RTKN2: variants seen among roughly 807,000 people sequenced by gnomAD.
RTKN2 encodes the protein rhotekin-2.
A neutral mutation model predicts 71.5 loss-of-function variants in RTKN2; 69 were observed. That is an observed-to-expected ratio of 0.96 (90% CI 0.79 to 1.18). The LOEUF (loss-of-function observed/expected upper bound fraction) is 1.18. RTKN2 is among the 50% of genes most tolerant of loss of function. The pLI is 0.00. For missense variants in RTKN2, 724 were observed against 719.7 expected, an observed-to-expected ratio of 1.01 and a Z score of -0.07; for synonymous variants, 236 against 236.5, an observed-to-expected ratio of 1.00 and a Z score of 0.02.
intron 9 of RTKN2, among the ~76,000 whole-genome samples, chr10:62,211,366 A>G (rs980187952): frequency 1.3e-5 from 2 of 152,180 alleles, no homozygotes; most frequent in African/African-American, 2.4e-5. Context: ...ATGGCTCCCT[A>G]TGAAAATTAA....
At chr10:62,255,346 T>G (rs1280705549) in intron 2 of RTKN2, among the ~76,000 whole-genome samples, 3 of 152,002 alleles carry the variant, frequency 2.0e-5, no homozygotes, top group African/African-American at 7.2e-5. Context: ...GATTCACCAG[T>G]AAAGGGAGCC....
intron 7 of RTKN2, among the ~76,000 whole-genome samples, chr10:62,219,082 G>A (rs1841845864): frequency 1.3e-5 from 2 of 152,120 alleles, no homozygotes; most frequent in Non-Finnish European, 2.9e-5. Flanking sequence ...TTCTTTTGCT[G>A]AACAATTCAG....
chr10:62,257,975 A>G (rs556635202), intron 2 of RTKN2, among the ~76,000 whole-genome samples: 2 of 152,240 alleles, frequency 1.3e-5, no homozygotes, highest in Non-Finnish European at 2.9e-5. Flanking sequence ...GTTCAAGCAT[A>G]AAGAACAGGC....
In RTKN2 at chr10:62,216,180, G is replaced by T. The variant is rs541808145; in HGVS notation, c.1020+938C>A. On this transcript the variant is annotated intron_variant, in intron 9 of 11. Coordinates refer to ENST00000373789, the MANE Select transcript of RTKN2 (RefSeq NM_145307.4). ...TAGACTGGTACCCACGCGTTTTCAG[G>T]AATACAACTATTATATAAAAGGACG... is the stretch of plus-strand genomic sequence containing the variant. Among the ~76,000 whole-genome samples the T allele has an allele frequency of 2.0e-5, 3 of 151,998 alleles. No homozygotes were observed. In the East Asian group the frequency reaches 5.8e-4, roughly 29 times the overall value.
intron 6 of RTKN2, among the ~76,000 whole-genome samples, chr10:62,235,796 T>C (rs73287438): frequency 0.021 from 3,256 of 152,048 alleles, 113 homozygotes; most frequent in African/African-American, 0.075. Flanking sequence ...AAAGTCCAAA[T>C]CTAAAACACT....
At chr10:62,203,830 T>A (rs913478800) in intron 10 of RTKN2, among the ~76,000 whole-genome samples, 1 of 152,188 alleles carries the variant, frequency 6.6e-6, no homozygotes, top group South Asian at 2.1e-4. Context: ...AGTTTTCTCA[T>A]CTTCAGAGCA....
intron 6 of RTKN2, among the ~76,000 whole-genome samples, chr10:62,225,508 C>T (rs577291503): frequency 3.5e-4 from 54 of 152,330 alleles, no homozygotes; most frequent in African/African-American, 1.3e-3. Flanking sequence ...TCTGTCCTTA[C>T]CACTTTAGCA....
In RTKN2 at chr10:62,194,306, T is replaced by G; in HGVS notation, c.*3602A>C. On this transcript the variant is annotated 3_prime_UTR_variant, in exon 12 of 12. Coordinates refer to ENST00000373789, the MANE Select transcript of RTKN2 (RefSeq NM_145307.4). Reference sequence around the variant, plus strand: ...TATGCAGATTTCATTTAACTATTAATAGCAATGAAGCAGTTGCACACAAAC... The same window carrying G: ...TATGCAGATTTCATTTAACTATTAAGAGCAATGAAGCAGTTGCACACAAAC... 3.1e-6 allele frequency: 3 copies of G among 981,982 alleles called. No individual in the cohort carries two copies. Among genetic ancestry groups the G allele is most frequent in the Non-Finnish European group, 3.6e-6 (3 of 826,812 alleles). The allele number at this position is 981,982 out of a possible 1,614,324, so 60.8% of individuals were successfully genotyped here. A position where few individuals can be genotyped will look rare whatever the true frequency, so the allele number is the denominator to read the frequency against.
In RTKN2 at chr10:62,196,029, A is replaced by T. The variant is rs1841324470; in HGVS notation, c.*1879T>A. On this transcript the variant is annotated 3_prime_UTR_variant, in exon 12 of 12. Transcript: ENST00000373789. ...AAGTTTTAATACTGATTTGTAATAAAGGAAGGCATCAACTAGGAAAAAAAA... is the reference window on the plus strand; with the variant it reads ...AAGTTTTAATACTGATTTGTAATAATGGAAGGCATCAACTAGGAAAAAAAA... 1 of 985,026 alleles carries T rather than the reference A, an allele frequency of 1.0e-6. No homozygotes were observed. The highest frequency in any genetic ancestry group is 6.2e-5 in the Admixed American group (1 of 16,248). The allele number at this position is 985,026 out of a possible 1,614,324, so 61.0% of individuals were successfully genotyped here.
intron 6 of RTKN2, among the ~76,000 whole-genome samples, chr10:62,232,941 T>A (rs1287785862): frequency 1.3e-5 from 2 of 152,164 alleles, no homozygotes; most frequent in African/African-American, 4.8e-5. Context: ...TTAATCTCTC[T>A]TGGGTCACAG....
chr10:62,248,889 C>T (rs539655603), intron 2 of RTKN2, among the ~76,000 whole-genome samples: 7 of 152,006 alleles, frequency 4.6e-5, no homozygotes, highest in Non-Finnish European at 8.8e-5. Flanking sequence ...ATTTTCTTAA[C>T]GAAGTACTAA....
downstream of RTKN2, among the ~76,000 whole-genome samples, chr10:62,190,052 A>C (rs1329366765): frequency 6.6e-6 from 1 of 152,036 alleles, no homozygotes; most frequent in African/African-American, 2.4e-5. Flanking sequence ...CTGACAGTGG[A>C]GTCTATCTAG....
At chr10:62,190,972 T>C (rs145183681), downstream of RTKN2, among the ~76,000 whole-genome samples, 11 of 152,204 alleles carry the variant, frequency 7.2e-5, no homozygotes, top group Admixed American at 2.6e-4. Context: ...TTTCCACTTC[T>C]ATGACTACTA....
At chr10:62,226,004 G>A (rs538164315) in intron 6 of RTKN2, among the ~76,000 whole-genome samples, 1 of 152,110 alleles carries the variant, frequency 6.6e-6, no homozygotes, top group South Asian at 2.1e-4. Context: ...GAATGGTCTC[G>A]ATCTCCTGAC....
chr10:62,260,835 T>C (rs898190073), intron 2 of RTKN2, among the ~76,000 whole-genome samples: 2 of 152,344 alleles, frequency 1.3e-5, no homozygotes, highest in East Asian at 1.9e-4. Context: ...TTGTGATAGA[T>C]GACATAATAT....
rs974319795 is a variant in RTKN2 at position 62,196,521 on chromosome 10, G to C, written c.*1387C>G. The stretch of plus-strand genomic sequence containing the variant: ...CCCCGCTATCTGAAAATAATGAAAG[G>C]CTCCATTTAAATTAATGTGGTTTTT... On this transcript the variant is annotated 3_prime_UTR_variant, in exon 12 of 12. Transcript: ENST00000373789. The C allele has an allele frequency of 1.0e-5, 10 of 985,104 alleles. No individual in the cohort carries two copies. Among genetic ancestry groups the C allele is most frequent in the Non-Finnish European group, 1.2e-5 (10 of 829,782 alleles). 61.0% of individuals were successfully genotyped at this position (985,104 alleles called of 1,614,324 possible). A position where few individuals can be genotyped will look rare whatever the true frequency, so the allele number is the denominator to read the frequency against.
chr10:62,202,046 GTTAAATAT>G (rs1181423563), intron 10 of RTKN2, among the ~76,000 whole-genome samples: 6 of 151,872 alleles, frequency 4.0e-5, no homozygotes, highest in Admixed American at 3.3e-4. Flanking sequence ...TATTTATATT[GTTAAATAT>G]TTTTTAAAAA....
At chr10:62,202,301 C>G (rs1841460810) in intron 10 of RTKN2, among the ~76,000 whole-genome samples, 1 of 152,120 alleles carries the variant, frequency 6.6e-6, no homozygotes. Context: ...ATTATCTCAC[C>G]TTCCTGGTTT....
chr10:62,245,860 C>T, intron 3 of RTKN2, 139 bp downstream of exon 3: 1 of 594,816 alleles, frequency 1.7e-6, no homozygotes, highest in Non-Finnish European at 3.0e-6. Flanking sequence ...ATGCTAAAAA[C>T]AGTGTTTTAG....
Sources: gnomAD v4.1 joint callset for allele counts (sites outside exome capture counted in the v4.1 genomes callset) on GRCh38, gnomAD v4.1.1 for gene constraint, MANE v1.5 for transcripts, NCBI Gene and HGNC (gene_info 2026-07-23, HGNC 2026-07-21) for gene names.